The following OPRD1 variants were observed in gnomAD, a reference collection of about 807,000 sequenced individuals.
OPRD1 encodes delta-type opioid receptor.
OPRD1 carries 19 observed loss-of-function variants against 17.5 expected under a neutral mutation model. That is an observed-to-expected ratio of 1.09 (90% CI 0.76 to 1.60). The LOEUF (loss-of-function observed/expected upper bound fraction) is 1.60, where lower values mean the gene tolerates loss of function less well. OPRD1 is among the 40% of genes most tolerant of loss of function. OPRD1 has a pLI of 0.00. For synonymous variants in OPRD1, 256 were observed against 240.9 expected, an observed-to-expected ratio of 1.06 and a Z score of -0.58; for missense variants, 483 against 547.2, an observed-to-expected ratio of 0.88 and a Z score of 1.17.
At chr1:28,851,906 G>A (rs1569644196) in intron 1 of OPRD1, among the ~76,000 whole-genome samples, 1 of 150,212 alleles carries the variant, frequency 6.7e-6, no homozygotes, top group African/African-American at 2.4e-5. Context: ...GGTGGCTCAC[G>A]CCTGTAATCC....
intron 1 of OPRD1, among the ~76,000 whole-genome samples, chr1:28,857,582 C>T (rs1447215678): frequency 6.6e-6 from 1 of 152,166 alleles, no homozygotes; most frequent in Non-Finnish European, 1.5e-5. Context: ...GACCCTCCCA[C>T]CTCAGTCTCC....
Position 28,865,247 on chromosome 1 carries a change from CT to C in OPRD1, c.*1965del, listed in dbSNP as rs1468519053. ...CCAACACTGCCTCAGTAATGCACCC[CT>C]GACTCCCTATTGAAGCAGTGTGCTG... On this transcript the variant is annotated 3_prime_UTR_variant, in exon 3 of 3. Transcript: ENST00000234961. 1 of 152,410 alleles carries C rather than the reference CT, an allele frequency of 6.6e-6. No individual in the cohort carries two copies. The highest frequency in any genetic ancestry group is 1.5e-5 in the Non-Finnish European group (1 of 68,052). The allele number at this position is 152,410 out of a possible 1,614,324, so 9.4% of individuals were successfully genotyped here. A position where few individuals can be genotyped will look rare whatever the true frequency, so the allele number is the denominator to read the frequency against.
chr1:28,854,393 A>ATT (rs111966727), intron 1 of OPRD1, among the ~76,000 whole-genome samples: 2 of 146,094 alleles, frequency 1.4e-5, no homozygotes, highest in African/African-American at 5.0e-5. Flanking sequence ...TGCCCAACTA[A>ATT]TTTTTTTTTT....
intron 1 of OPRD1, among the ~76,000 whole-genome samples, chr1:28,837,350 C>A (rs537339): frequency 0.46 from 69,823 of 151,954 alleles, 18,028 homozygotes; most frequent in East Asian, 0.82. Flanking sequence ...GGGCTGGTTC[C>A]TGTAAAACAG....
Position 28,863,488 on chromosome 1 carries a change from A to G in OPRD1, c.*205A>G. 1.8e-6 allele frequency: 1 copy of G among 544,580 alleles called. No homozygotes were observed. The highest frequency in any genetic ancestry group is 3.4e-5 in the South Asian group (1 of 29,684). The allele number at this position is 544,580 out of a possible 1,614,324, so 33.7% of individuals were successfully genotyped here. A position where few individuals can be genotyped will look rare whatever the true frequency, so the allele number is the denominator to read the frequency against. On this transcript the variant is annotated 3_prime_UTR_variant, in exon 3 of 3. Transcript: ENST00000234961. The stretch of plus-strand genomic sequence containing the variant: ...TCTGGTTTGGGGCGAGGCAGAGGAC[A>G]GATCAATGGCGCAGTGCCTCTGGTC...
chr1:28,861,172 C>T (rs775709615), intron 2 of OPRD1, among the ~76,000 whole-genome samples: 1 of 152,194 alleles, frequency 6.6e-6, no homozygotes, highest in Non-Finnish European at 1.5e-5. Flanking sequence ...CCCACTCTGT[C>T]TGTGGATCCC....
At chr1:28,815,841 G>A (rs932017221) in intron 1 of OPRD1, among the ~76,000 whole-genome samples, 1 of 152,156 alleles carries the variant, frequency 6.6e-6, no homozygotes, top group African/African-American at 2.4e-5. Context: ...GGTGTGCAAG[G>A]GAAGATTCAG....
Position 28,863,235 on chromosome 1 carries a change from C to A in OPRD1, c.1071C>A (p.Val357=). Residue 357 remains valine (V), a synonymous_variant, in exon 3 of 3, where the codon GTC becomes GTA. Transcript: ENST00000234961. Reference sequence around the variant, plus strand: ...GCGAAGCCACGGCCCGCGAGCGTGTCACCGCCTGCACCCCGTCCGATGGTC... The same window carrying A: ...GCGAAGCCACGGCCCGCGAGCGTGTAACCGCCTGCACCCCGTCCGATGGTC... ...RAREATARER[V]TACTPSDGPG... 1 of 1,552,210 alleles carries A rather than the reference C, an allele frequency of 6.4e-7. No homozygotes were observed. The highest frequency in any genetic ancestry group is 8.6e-7 in the Non-Finnish European group (1 of 1,157,918).
intron 1 of OPRD1, among the ~76,000 whole-genome samples, chr1:28,855,487 T>C (rs971596357): frequency 4.0e-5 from 6 of 151,618 alleles, no homozygotes; most frequent in Non-Finnish European, 8.8e-5. Context: ...AGTGGCATGA[T>C]TTGTCTTGGG....
At chr1:28,846,855 TTTC>T (rs1557575980) in intron 1 of OPRD1, among the ~76,000 whole-genome samples, 165 of 49,868 alleles carry the variant, frequency 3.3e-3, no homozygotes, top group African/African-American at 0.013. Flanking sequence ...CTTTTCTTTC[TTTC>T]TTTCTTTCTT....
intron 1 of OPRD1, among the ~76,000 whole-genome samples, chr1:28,839,610 C>T (rs999986015): frequency 6.6e-6 from 1 of 152,126 alleles, no homozygotes; most frequent in Non-Finnish European, 1.5e-5. Context: ...TGTAGACGTT[C>T]TCACCTTGTT....
At chr1:28,857,572 G>A (rs1407366126) in intron 1 of OPRD1, among the ~76,000 whole-genome samples, 3 of 149,942 alleles carry the variant, frequency 2.0e-5, no homozygotes, top group Non-Finnish European at 3.0e-5. Flanking sequence ...GGGCTCAAGC[G>A]ACCCTCCCAC....
At chr1:28,857,816 G>C (rs1462861697) in intron 1 of OPRD1, among the ~76,000 whole-genome samples, 4 of 150,764 alleles carry the variant, frequency 2.7e-5, no homozygotes, top group Non-Finnish European at 5.9e-5. Context: ...TTTTTGAGAC[G>C]GAGTCTCGGT....
intron 1 of OPRD1, among the ~76,000 whole-genome samples, chr1:28,851,794 C>G (rs10915205): frequency 0.17 from 23,840 of 144,452 alleles, 2,180 homozygotes; most frequent in Admixed American, 0.25. Context: ...TTGCTTGAAC[C>G]GGGGAGGCGG....
intron 1 of OPRD1, among the ~76,000 whole-genome samples, chr1:28,834,619 A>G (rs2088834890): frequency 6.6e-6 from 1 of 151,692 alleles, no homozygotes; most frequent in Admixed American, 6.6e-5. Context: ...AGCTCAAGTG[A>G]TCCTCCCACC....
rs371752572 is a variant in OPRD1, at chr1:28,812,361, C to A, written c.-23C>A. The A allele has an allele frequency of 5.9e-6, 8 of 1,357,782 alleles. No individual in the cohort carries two copies. The highest frequency in any genetic ancestry group is 2.8e-6 in the Non-Finnish European group (3 of 1,061,800). 84.1% of individuals were successfully genotyped at this position (1,357,782 alleles called of 1,614,324 possible). On this transcript the variant is annotated 5_prime_UTR_variant, in exon 1 of 3. Coordinates refer to ENST00000234961, the MANE Select transcript of OPRD1 (RefSeq NM_000911.4). ...GCCCAGGGCGCACGGTGGAGAGGGA[C>A]GCGGCGGAGCCGGCCGGCAGCCATG...
Position 28,828,192 on chromosome 1 carries a change from T to C in OPRD1, c.227+15582T>C, listed in dbSNP as rs142374138. Among the ~76,000 whole-genome samples, 594 of 152,324 alleles carry C rather than the reference T, an allele frequency of 3.9e-3. 9 individuals are homozygous for C. The highest frequency in any genetic ancestry group is 5.1e-3 in the Non-Finnish European group (348 of 68,030). On this transcript the variant is annotated intron_variant, in intron 1 of 2. Coordinates refer to ENST00000234961, the MANE Select transcript of OPRD1 (RefSeq NM_000911.4). ...CTTAAAGGTTAAAATTATTCCTTGA[T>C]CCGTGGGCTACAGAATGGATGTTGT...
At chr1:28,829,483 C>T (rs1405667230) in intron 1 of OPRD1, among the ~76,000 whole-genome samples, 1 of 151,954 alleles carries the variant, frequency 6.6e-6, no homozygotes, top group Non-Finnish European at 1.5e-5. Flanking sequence ...ATTCTCCTGC[C>T]TCAGCCTCCT....
Position 28,862,811 on chromosome 1 carries a change from G to C in OPRD1, c.647G>C (p.Cys216Ser), listed in dbSNP as rs1246594421. 1 of 1,613,556 alleles carries C rather than the reference G, an allele frequency of 6.2e-7. No individual in the cohort carries two copies. The highest frequency in any genetic ancestry group is 1.3e-5 in the African/African-American group (1 of 74,958). ...TACTGGGACACGGTGACCAAGATCT[G>C]CGTGTTCCTCTTCGCCTTCGTGGTG... ...SWYWDTVTKICVFLFAFVVPI... is the reference protein window; with the variant it reads ...SWYWDTVTKISVFLFAFVVPI... Residue 216 changes from cysteine to serine, a missense_variant, in exon 3 of 3, where the codon TGC (cysteine) becomes TCC (serine). Cys to Ser is a moderately radical substitution (Grantham distance 112). Coordinates refer to ENST00000234961, the MANE Select transcript of OPRD1 (RefSeq NM_000911.4).
Sources: gnomAD v4.1 joint callset for allele counts (sites outside exome capture counted in the v4.1 genomes callset) on GRCh38, gnomAD v4.1.1 for gene constraint, MANE v1.5 for transcripts, NCBI Gene and HGNC (gene_info 2026-07-23, HGNC 2026-07-21) for gene names.